The following ROBO2 variants were observed in gnomAD, a reference collection of about 807,000 sequenced individuals.
ROBO2 encodes roundabout guidance receptor 2, also known as roundabout homolog 2.
A neutral mutation model predicts 160.8 loss-of-function variants in ROBO2; 53 were observed. The ratio of observed to expected loss-of-function variants is 0.33; its 90% CI spans 0.26 to 0.41. ROBO2 has a LOEUF of 0.41. Ranked by LOEUF, ROBO2 falls within the 10% of genes least tolerant of loss-of-function variation. The pLI is 1.00. For synonymous variants in ROBO2, 664 were observed against 611.7 expected, an observed-to-expected ratio of 1.09 and a Z score of -1.26; for missense variants, 1,577 against 1,722.4, an observed-to-expected ratio of 0.92 and a Z score of 1.49.
At position 77,577,672 on chromosome 3, in the gene ROBO2, T is replaced by A. The variant is rs1282233818; in HGVS notation, c.2328+58T>A. ...GTAAAGGTTCCCAGAGAAATCTCAGTGTCTCACGAATGAGACACATCTCTA... is the reference window on the plus strand; with the variant it reads ...GTAAAGGTTCCCAGAGAAATCTCAGAGTCTCACGAATGAGACACATCTCTA... On this transcript the variant is annotated intron_variant, in intron 15 of 25. Transcript: ENST00000461745. 8 of 1,595,960 alleles carry A rather than the reference T, an allele frequency of 5.0e-6. No homozygotes were observed. In the East Asian group the frequency reaches 1.3e-4, roughly 27 times the overall value.
At chr3:76,199,780 A>G (rs1390122696) in intron 2 of ROBO2, among the ~76,000 whole-genome samples, 2 of 152,122 alleles carry the variant, frequency 1.3e-5, no homozygotes, top group Non-Finnish European at 2.9e-5. Context: ...CTCAACTCGA[A>G]CAGATAAAAT....
intron 2 of ROBO2, among the ~76,000 whole-genome samples, chr3:76,639,440 A>C (rs2090526919): frequency 6.8e-6 from 1 of 147,092 alleles, no homozygotes; most frequent in Non-Finnish European, 1.5e-5. Context: ...ATATACGTGT[A>C]TATATAAGTG....
intron 2 of ROBO2, among the ~76,000 whole-genome samples, chr3:76,542,778 T>C (rs1275117873): frequency 6.6e-6 from 1 of 152,146 alleles, no homozygotes; most frequent in Non-Finnish European, 1.5e-5. Flanking sequence ...TCCAATAATA[T>C]CTGCCTCTTC....
At chr3:77,272,875 C>G (rs11924430) in intron 2 of ROBO2, among the ~76,000 whole-genome samples, 1 of 151,762 alleles carries the variant, frequency 6.6e-6, no homozygotes, top group Non-Finnish European at 1.5e-5. Flanking sequence ...AAATCTCTCT[C>G]TATATATATT....
intron 2 of ROBO2, among the ~76,000 whole-genome samples, chr3:76,004,707 C>G (rs975475035): frequency 1.3e-5 from 2 of 152,016 alleles, no homozygotes; most frequent in Non-Finnish European, 2.9e-5. Flanking sequence ...CTCCAAATAC[C>G]GTTATATTGG....
intron 2 of ROBO2, among the ~76,000 whole-genome samples, chr3:76,763,164 A>G (rs1354389898): frequency 8.3e-6 from 1 of 120,074 alleles, no homozygotes; most frequent in African/African-American, 3.2e-5. Flanking sequence ...TCTTAACATC[A>G]ATCACGCACT....
chr3:76,029,481 C>T (rs1281942084), intron 2 of ROBO2, among the ~76,000 whole-genome samples: 1 of 151,974 alleles, frequency 6.6e-6, no homozygotes, highest in African/African-American at 2.4e-5. Flanking sequence ...TCGTCATTTA[C>T]ATTAAGTATT....
rs755070628 is a variant in ROBO2, at chr3:76,834,171, T to TTCTTTCTTTCTTTCTTTCTTTCTTTCTC, written c.110-263840_110-263839insTTCTTTCTTTCTTTCTTTCTTTCTCTCT. On this transcript the variant is annotated intron_variant, in intron 2 of 26. Coordinates refer to the ROBO2 transcript ENST00000487694. ...CCTTTCTTTCTCTCTCTTTCTTTCTTTCTCTCTCTCTCTCTCTCTTTCTTT... is the reference window on the plus strand; with the variant it reads ...CCTTTCTTTCTCTCTCTTTCTTTCTTTCTTTCTTTCTTTCTTTCTTTCTTTCTCTCTCTCTCTCTCTCTCTCTTTCTTT... Among the ~76,000 whole-genome samples, 40 of 117,008 alleles carry TTCTTTCTTTCTTTCTTTCTTTCTTTCTC rather than the reference T, an allele frequency of 3.4e-4. 3 individuals are homozygous for TTCTTTCTTTCTTTCTTTCTTTCTTTCTC. Among genetic ancestry groups the TTCTTTCTTTCTTTCTTTCTTTCTTTCTC allele is most frequent in the African/African-American group, 1.3e-3 (40 of 31,192 alleles). The allele number at this position is 117,008 out of a possible 152,430, so 76.8% of individuals were successfully genotyped here.
rs537214278 is a variant in ROBO2 at position 77,224,893 on chromosome 3, T to A, written c.388+126553T>A. On this transcript the variant is annotated intron_variant, in intron 2 of 25. Transcript: ENST00000461745. ...GATAGTGGATGATAAGACTGATGAA[T>A]AATATTTGATTAGTCAAGTTTCCAT... 9.9e-5 allele frequency among the ~76,000 whole-genome samples: 15 copies of A among 152,014 alleles called. No homozygotes were observed. In the South Asian group the frequency reaches 2.3e-3, roughly 23 times the overall value.
At chr3:75,969,215 T>G (rs2064912845) in intron 2 of ROBO2, among the ~76,000 whole-genome samples, 1 of 150,342 alleles carries the variant, frequency 6.7e-6, no homozygotes, top group Admixed American at 6.7e-5. Flanking sequence ...TACATCATAG[T>G]TTCTTTATCC....
chr3:76,749,668 A>G (rs1405534312), intron 2 of ROBO2, among the ~76,000 whole-genome samples: 2 of 152,132 alleles, frequency 1.3e-5, no homozygotes, highest in African/African-American at 2.4e-5. Flanking sequence ...ACAAGTATCA[A>G]TGGCAGGGCA....
At chr3:76,590,026 A>G (rs1398820081) in intron 2 of ROBO2, among the ~76,000 whole-genome samples, 1 of 152,204 alleles carries the variant, frequency 6.6e-6, no homozygotes, top group East Asian at 1.9e-4. Flanking sequence ...GCTTAAACTA[A>G]TATTATACAC....
intron 2 of ROBO2, among the ~76,000 whole-genome samples, chr3:77,216,276 C>T (rs2324750): frequency 0.34 from 51,780 of 152,050 alleles, 10,156 homozygotes; most frequent in Middle Eastern, 0.52. Context: ...TCGGCAATGG[C>T]GGGCGCCCCT....
intron 2 of ROBO2, among the ~76,000 whole-genome samples, chr3:76,395,351 C>A (rs1408275807): frequency 8.8e-4 from 125 of 141,684 alleles, no homozygotes; most frequent in South Asian, 2.1e-3. Flanking sequence ...ATTTATAGCA[C>A]TAAATGCCCA....
intron 2 of ROBO2, among the ~76,000 whole-genome samples, chr3:76,631,903 T>C (rs1232344138): frequency 2.0e-5 from 3 of 152,192 alleles, no homozygotes; most frequent in Non-Finnish European, 4.4e-5. Flanking sequence ...ATGTTCACTC[T>C]CTCTGCAGTA....
At chr3:76,936,809 C>T (rs2077732250) in intron 2 of ROBO2, among the ~76,000 whole-genome samples, 1 of 150,738 alleles carries the variant, frequency 6.6e-6, no homozygotes, top group South Asian at 2.1e-4. Context: ...TACTTTATTA[C>T]ATTCTGCCTT....
rs55636740 is a variant in ROBO2 at position 76,386,365 on chromosome 3, T to C, written c.109+448763T>C. On this transcript the variant is annotated intron_variant, in intron 2 of 26. Coordinates refer to the ROBO2 transcript ENST00000487694. ...TCCCTCCCTCCCTCCCTCCCTTCCT[T>C]CCTCCCCTCCTTTCAGAAGTATTTA... 1.6e-3 allele frequency among the ~76,000 whole-genome samples: 139 copies of C among 88,694 alleles called. 3 individuals carry two copies. The highest frequency in any genetic ancestry group is 5.2e-3 in the African/African-American group (107 of 20,698). 58.2% of individuals were successfully genotyped at this position (88,694 alleles called of 152,430 possible).
At chr3:76,570,410 C>T (rs185986479) in intron 2 of ROBO2, among the ~76,000 whole-genome samples, 1 of 152,272 alleles carries the variant, frequency 6.6e-6, no homozygotes. Context: ...TACACATAAA[C>T]TTAATGGGAT....
At chr3:76,232,591 C>G (rs1704686467) in intron 2 of ROBO2, among the ~76,000 whole-genome samples, 1 of 152,208 alleles carries the variant, frequency 6.6e-6, no homozygotes, top group African/African-American at 2.4e-5. Context: ...ATATCAGAAA[C>G]AGTCATTGTA....
Sources: gnomAD v4.1 joint callset for allele counts (sites outside exome capture counted in the v4.1 genomes callset) on GRCh38, gnomAD v4.1.1 for gene constraint, MANE v1.5 for transcripts, NCBI Gene and HGNC (gene_info 2026-07-23, HGNC 2026-07-21) for gene names.